SLIT3: variants seen among roughly 807,000 people sequenced by gnomAD.
The protein encoded by SLIT3 is slit guidance ligand 3.
Under a neutral mutation model 184.0 loss-of-function variants are expected in SLIT3, and 68 were observed. The observed-to-expected ratio is 0.37, with a 90% CI of 0.30 to 0.45. The LOEUF is 0.45. Among genes scored for constraint, SLIT3 ranks in the 20% least tolerant of loss-of-function variants. The pLI is 1.00. For synonymous variants in SLIT3, 831 were observed against 828.6 expected, an observed-to-expected ratio of 1.00 and a Z score of -0.05; for missense variants, 1,707 against 2,026.0, an observed-to-expected ratio of 0.84 and a Z score of 3.02.
intron 4 of SLIT3, among the ~76,000 whole-genome samples, chr5:169,097,832 C>T (rs1759846291): frequency 6.6e-6 from 1 of 152,194 alleles, no homozygotes; most frequent in Non-Finnish European, 1.5e-5. Flanking sequence ...AAACCCTGCT[C>T]CCCAGGCACA....
At chr5:168,762,726 G>A (rs754576973) in intron 14 of SLIT3, 37 bp from the exon 15 acceptor site, 41 of 1,603,976 alleles carry the variant, frequency 2.6e-5, no homozygotes, top group South Asian at 1.7e-4. Context: ...AGCGTCACCC[G>A]AGTTCCACGC....
intron 14 of SLIT3, among the ~76,000 whole-genome samples, chr5:168,771,635 G>T (rs1007084649): frequency 6.6e-6 from 1 of 152,140 alleles, no homozygotes; most frequent in Non-Finnish European, 1.5e-5. Context: ...AAGGGAAGTC[G>T]GTACCAACTT....
chr5:168,669,800 C>T lies in SLIT3; in HGVS notation c.4319G>A (p.Gly1440Asp), dbSNP rs1289746083. The change falls in exon 35 of 36, where the codon GGC becomes GAC. Residue 1440 changes from glycine (G) to aspartate (D), a missense_variant. Physicochemically the swap from Gly to Asp is moderately conservative, Grantham distance 94. Coordinates refer to ENST00000519560, the MANE Select transcript of SLIT3 (RefSeq NM_003062.4). ...AGACCCACCTTGTTGGCAGTGCTCG[C>T]CGCTAAAGCCGGGCTGGCACAGGCA... ...PYCLCQPGFS[G>D]EHCQQENPCL... 6.8e-6 allele frequency: 11 copies of T among 1,613,696 alleles called. No homozygotes were observed. In the South Asian group the frequency reaches 9.9e-5, roughly 15 times the overall value.
At chr5:168,916,173 G>A (rs1761428340) in intron 4 of SLIT3, among the ~76,000 whole-genome samples, 1 of 152,184 alleles carries the variant, frequency 6.6e-6, no homozygotes, top group South Asian at 2.1e-4. Context: ...TCTAAGTGAT[G>A]GGCATATGTG....
At chr5:169,215,518 C>T (rs932070582) in intron 3 of SLIT3, among the ~76,000 whole-genome samples, 1 of 151,808 alleles carries the variant, frequency 6.6e-6, no homozygotes. Context: ...TGGTGTCTGT[C>T]AACATTACTC....
At chr5:168,959,158 G>A (rs1005196609) in intron 4 of SLIT3, among the ~76,000 whole-genome samples, 2 of 152,234 alleles carry the variant, frequency 1.3e-5, no homozygotes, top group African/African-American at 4.8e-5. Context: ...TAGAAATGGC[G>A]AATTAGAAAT....
At chr5:168,797,687 A>G (rs1756615640) in intron 9 of SLIT3, among the ~76,000 whole-genome samples, 1 of 152,220 alleles carries the variant, frequency 6.6e-6, no homozygotes, top group African/African-American at 2.4e-5. Flanking sequence ...ACCATAATAA[A>G]CATCAAGAGC....
At chr5:169,194,603 A>G (rs906220602) in intron 3 of SLIT3, among the ~76,000 whole-genome samples, 4 of 152,322 alleles carry the variant, frequency 2.6e-5, no homozygotes, top group Admixed American at 2.0e-4. Flanking sequence ...CAATATTAGA[A>G]GAAATTAAAA....
At chr5:168,823,207 T>G in intron 7 of SLIT3, 53 bp downstream of exon 7, 1 of 1,396,428 alleles carries the variant, frequency 7.2e-7, no homozygotes, top group Non-Finnish European at 1.0e-6. Flanking sequence ...AGTGCTGCAC[T>G]TTGGGCGTGA....
intron 4 of SLIT3, among the ~76,000 whole-genome samples, chr5:168,907,109 C>T (rs1761077970): frequency 6.6e-6 from 1 of 152,210 alleles, no homozygotes; most frequent in Non-Finnish European, 1.5e-5. Flanking sequence ...AATCCACTCG[C>T]CTTGGCCTCC....
chr5:168,742,336 G>A (rs1416853520), intron 20 of SLIT3, among the ~76,000 whole-genome samples: 1 of 151,390 alleles, frequency 6.6e-6, no homozygotes, highest in Non-Finnish European at 1.5e-5. Context: ...CAGACTGGAG[G>A]GAGCTGGCCT....
chr5:168,842,318 T>A (rs1438279754), intron 6 of SLIT3, among the ~76,000 whole-genome samples: 2 of 152,172 alleles, frequency 1.3e-5, no homozygotes, highest in African/African-American at 4.8e-5. Flanking sequence ...GCTATTGATC[T>A]GGCTTTGTTT....
chr5:169,061,190 G>C (rs1381304785), intron 4 of SLIT3, among the ~76,000 whole-genome samples: 1 of 152,196 alleles, frequency 6.6e-6, no homozygotes, highest in East Asian at 1.9e-4. Flanking sequence ...GGCTGACTTA[G>C]AGGGATTTTC....
intron 4 of SLIT3, among the ~76,000 whole-genome samples, chr5:169,016,020 A>C: frequency 6.8e-6 from 1 of 147,272 alleles, no homozygotes; most frequent in African/African-American, 2.5e-5. Context: ...TTCCTGTCCC[A>C]TCTCTGCCTT....
intron 4 of SLIT3, among the ~76,000 whole-genome samples, chr5:168,919,196 G>T (rs1456028197): frequency 6.6e-6 from 1 of 150,412 alleles, no homozygotes; most frequent in Non-Finnish European, 1.5e-5. Flanking sequence ...GGAGGCGGAG[G>T]TTGCAGTGAG....
At chr5:168,919,008 T>C (rs912011523) in intron 4 of SLIT3, among the ~76,000 whole-genome samples, 2 of 152,062 alleles carry the variant, frequency 1.3e-5, no homozygotes, top group African/African-American at 4.8e-5. Flanking sequence ...AAAATACACA[T>C]AGGATACTTT....
At chr5:169,042,249 A>C (rs1203350398) in intron 4 of SLIT3, among the ~76,000 whole-genome samples, 3 of 152,174 alleles carry the variant, frequency 2.0e-5, no homozygotes, top group African/African-American at 7.2e-5. Context: ...CATTAGAAAA[A>C]AGTCCTGAGA....
At chr5:168,922,579 G>T (rs1244049467) in intron 4 of SLIT3, among the ~76,000 whole-genome samples, 1 of 152,158 alleles carries the variant, frequency 6.6e-6, no homozygotes, top group Non-Finnish European at 1.5e-5. Flanking sequence ...TCTGCAAGGG[G>T]AAGAGAGAGA....
At chr5:169,279,414 G>A (rs1348615408) in intron 1 of SLIT3, among the ~76,000 whole-genome samples, 1 of 152,138 alleles carries the variant, frequency 6.6e-6, no homozygotes, top group South Asian at 2.1e-4. Flanking sequence ...CCCATTTTAC[G>A]GAGGAGGAAA....
Sources: allele counts gnomAD v4.1 joint callset (sites outside exome capture counted in the v4.1 genomes callset), GRCh38; gene constraint gnomAD v4.1.1; transcripts MANE v1.5; gene names NCBI Gene and HGNC (gene_info 2026-07-23, HGNC 2026-07-21).